UGGT1: variants seen among roughly 807,000 people sequenced by gnomAD.
UGGT1 encodes UDP-glucose:glycoprotein glucosyltransferase 1.
A neutral mutation model predicts 203.9 loss-of-function variants in UGGT1; 107 were observed. The observed-to-expected ratio is 0.52, with a 90% CI of 0.45 to 0.62. The LOEUF (loss-of-function observed/expected upper bound fraction) is 0.62. UGGT1 is among the 20% of genes least tolerant of loss of function. The pLI is 0.00. For missense variants in UGGT1, 1,673 were observed against 1,867.2 expected, an observed-to-expected ratio of 0.90 and a Z score of 1.92; for synonymous variants, 628 against 653.5, an observed-to-expected ratio of 0.96 and a Z score of 0.59.
At chr2:128,138,965 T>C (rs879139033) in intron 16 of UGGT1, 113 bp downstream of exon 16, 141 of 1,331,994 alleles carry the variant, frequency 1.1e-4, no homozygotes, top group Non-Finnish European at 1.4e-4. Context: ...CAGGGGTGGG[T>C]CCTGAATTTA....
rs375393496 is a variant in UGGT1 at position 128,182,085 on chromosome 2, G to C, written c.4084-45G>C. On this transcript the variant is annotated intron_variant, in intron 36 of 40. Coordinates refer to ENST00000259253, the MANE Select transcript of UGGT1 (RefSeq NM_020120.4). ...TGTATCTGAAGGAAACCGCATTAGAGCTGTCTGCATGGTTGCTTAACAAAT... is the reference window on the plus strand; with the variant it reads ...TGTATCTGAAGGAAACCGCATTAGACCTGTCTGCATGGTTGCTTAACAAAT... 4.4e-6 allele frequency: 7 copies of C among 1,594,162 alleles called. No homozygotes were observed. In the African/African-American group the frequency reaches 9.4e-5, roughly 21 times the overall value.
chr2:128,113,337 C>A, intron 6 of UGGT1, 79 bp downstream of exon 6: 1 of 1,157,444 alleles, frequency 8.6e-7, no homozygotes, highest in Non-Finnish European at 1.1e-6. Flanking sequence ...AATAATCTCC[C>A]TCTTTATAAA....
intron 5 of UGGT1, 34 bp downstream of exon 5, chr2:128,109,780 C>G: frequency 6.5e-7 from 1 of 1,538,118 alleles, no homozygotes; most frequent in East Asian, 2.2e-5. Context: ...TCATGTCATG[C>G]ATTTCCAGTG....
intron 18 of UGGT1, among the ~76,000 whole-genome samples, chr2:128,148,424 T>G (rs1689796127): frequency 6.6e-6 from 1 of 152,228 alleles, no homozygotes. Context: ...GTGTGGCTTC[T>G]GAAGTTTCAG....
chr2:128,139,478 A>G (rs1217732150), intron 16 of UGGT1, among the ~76,000 whole-genome samples: 2 of 152,108 alleles, frequency 1.3e-5, no homozygotes, highest in African/African-American at 4.8e-5. Context: ...AGGGGGCCAA[A>G]GAAGATAGAG....
In UGGT1 at chr2:128,120,261, G is replaced by A. The variant is rs1369391436; in HGVS notation, c.873-95G>A. On this transcript the variant is annotated intron_variant, in intron 8 of 40. Coordinates refer to ENST00000259253, the MANE Select transcript of UGGT1 (RefSeq NM_020120.4). ...GTCGTAGAAAATTTCCTAGGGTTGG[G>A]AGAGGAAAACCATGAAGATAAAGTT... The A allele has an allele frequency of 1.0e-5, 12 of 1,163,072 alleles. No individual in the cohort carries two copies. The East Asian group carries it at 2.4e-4, about 23-fold the overall frequency. The allele number at this position is 1,163,072 out of a possible 1,614,324, so 72.0% of individuals were successfully genotyped here. A position where few individuals can be genotyped will look rare whatever the true frequency, so the allele number is the denominator to read the frequency against.
intron 18 of UGGT1, among the ~76,000 whole-genome samples, chr2:128,146,184 G>A (rs1414335943): frequency 2.0e-5 from 3 of 152,042 alleles, no homozygotes; most frequent in African/African-American, 7.2e-5. Context: ...GGTGGTGCAC[G>A]CCTGTAGTCC....
chr2:128,189,625 G>A, intron 40 of UGGT1, 92 bp from the exon 41 acceptor site: 1 of 1,321,304 alleles, frequency 7.6e-7, no homozygotes, highest in Non-Finnish European at 1.1e-6. Flanking sequence ...GAGGTACAAA[G>A]AATAGGTTCC....
chr2:128,182,891 A>G (rs1390792084), intron 37 of UGGT1, among the ~76,000 whole-genome samples: 1 of 142,796 alleles, frequency 7.0e-6, no homozygotes, highest in East Asian at 2.0e-4. Context: ...CTACCTATTT[A>G]TACATTTTGT....
intron 21 of UGGT1, 101 bp downstream of exon 21, chr2:128,156,516 G>A (rs973852309): frequency 1.9e-5 from 17 of 887,038 alleles, no homozygotes; most frequent in African/African-American, 1.7e-5. Flanking sequence ...TACTGTTTCC[G>A]GAATCTGTGG....
chr2:128,121,100 A>C (rs1478876835), intron 9 of UGGT1, 99 bp from the exon 10 acceptor site: 1 of 1,135,654 alleles, frequency 8.8e-7, no homozygotes, highest in African/African-American at 1.5e-5. Flanking sequence ...AGATATTCTT[A>C]ATTACCATGA....
rs768720852 is a variant in UGGT1, at chr2:128,127,438, A to T, written c.1212A>T (p.Thr404=). 14 of 1,611,806 alleles carry T rather than the reference A, an allele frequency of 8.7e-6. No homozygotes were observed. The highest frequency in any genetic ancestry group is 1.2e-5 in the Non-Finnish European group (14 of 1,178,044). The change falls in exon 12 of 41, where the codon ACA becomes ACT. Residue 404 remains threonine (T), a synonymous_variant. Coordinates refer to ENST00000259253, the MANE Select transcript of UGGT1 (RefSeq NM_020120.4). ...ATGGACTTCACATGGATTTAGATAC[A>T]CAGGATATATTCAGGTATGGATAAT... The part of the protein sequence containing the change: ...FINGLHMDLD[T]QDIFSLFDVL...
chr2:128,160,491 T>C lies in UGGT1; in HGVS notation c.2594T>C (p.Phe865Ser). 1 of 1,611,474 alleles carries C rather than the reference T, an allele frequency of 6.2e-7. No individual in the cohort carries two copies. Among genetic ancestry groups the C allele is most frequent in the South Asian group, 1.1e-5 (1 of 90,582 alleles). The change falls in exon 24 of 41, where the codon TTT becomes TCT. Residue 865 changes from phenylalanine to serine, a missense_variant. Phe to Ser is a radical substitution (Grantham distance 155, BLOSUM62 -2). Transcript: ENST00000259253. ...GMDFSLFKEV[F>S]ESSKMDFILS... Reference sequence around the variant, plus strand: ...GATTTCAGTCTTTTTAAAGAGGTCTTTGAGTCTTCCAAAATGGATTTCATT... The same window carrying C: ...GATTTCAGTCTTTTTAAAGAGGTCTCTGAGTCTTCCAAAATGGATTTCATT...
At position 128,134,882 on chromosome 2, in the gene UGGT1, A is replaced by G. The variant is rs142001352; in HGVS notation, c.1504A>G (p.Ile502Val). Reference sequence around the variant, plus strand: ...TTTTCCCTTTCTTCAACAGGTTTTCATAGTTGATCCTGCACATGAGACCAC... The same window carrying G: ...TTTTCCCTTTCTTCAACAGGTTTTCGTAGTTGATCCTGCACATGAGACCAC... ...IRKNLHNMVFIVDPAHETTAE... is the reference protein window; with the variant it reads ...IRKNLHNMVFVVDPAHETTAE... The change falls in exon 15 of 41, where the codon ATA becomes GTA. Residue 502 changes from isoleucine (I) to valine (V), a missense_variant. Ile to Val is a conservative substitution (Grantham distance 29, BLOSUM62 3). Around this residue, in one of 4 missense-constraint regions of UGGT1, gnomAD observed 1,073 missense variants for 1,078.7 expected, o/e 0.99. Coordinates refer to ENST00000259253, the MANE Select transcript of UGGT1 (RefSeq NM_020120.4). 2 of 1,613,580 alleles carry G rather than the reference A, an allele frequency of 1.2e-6. No individual in the cohort carries two copies. The highest frequency in any genetic ancestry group is 2.7e-5 in the African/African-American group (2 of 74,940).
intron 16 of UGGT1, chr2:128,140,304 G>A (rs995918746): frequency 5.8e-5 from 9 of 154,510 alleles, no homozygotes; most frequent in Non-Finnish European, 1.2e-4. Flanking sequence ...CTTTGTCCCC[G>A]ACGATCAGCA....
chr2:128,112,462 A>ATATATATATATATATATATATG lies in UGGT1; in HGVS notation c.522-611_522-610insATATATATATGTATATATATAT, dbSNP rs1458231232. Among the ~76,000 whole-genome samples, 865 of 120,314 alleles carry ATATATATATATATATATATATG rather than the reference A, an allele frequency of 7.2e-3. 118 individuals carry two copies. The highest frequency in any genetic ancestry group is 0.012 in the Non-Finnish European group (678 of 55,778). 78.9% of individuals were successfully genotyped at this position (120,314 alleles called of 152,430 possible). A position where few individuals can be genotyped will look rare whatever the true frequency, so the allele number is the denominator to read the frequency against. ...CCCCAAAAAATACTATGTTATATAT[A>ATATATATATATATATATATATG]TATATATATATTACATACATACATA... On this transcript the variant is annotated intron_variant, in intron 5 of 40. Transcript: ENST00000259253.
At chr2:128,103,203 T>G (rs999081578) in intron 2 of UGGT1, 6 of 447,036 alleles carry the variant, frequency 1.3e-5, no homozygotes, top group South Asian at 8.3e-5. Context: ...CACCACTGCA[T>G]TAGTATTATG....
Position 128,176,860 on chromosome 2 carries a change from G to GTC in UGGT1, c.3587_3588dup (p.Leu1197SerfsTer12). On this transcript the variant is annotated frameshift_variant, in exon 32 of 41. Transcript: ENST00000259253. LOFTEE classifies it high-confidence loss of function. The stretch of plus-strand genomic sequence containing the variant: ...CCCTGATGCTGATGAGGTGGTTATC[G>GTC]TCCTCAACAACTTCAAAAGCAAAAT... 1 of 1,614,118 alleles carries GTC rather than the reference G, an allele frequency of 6.2e-7. No homozygotes were observed. Among genetic ancestry groups the GTC allele is most frequent in the Non-Finnish European group, 8.5e-7 (1 of 1,180,026 alleles).
At chr2:128,169,704 T>C (rs888475159) in intron 26 of UGGT1, among the ~76,000 whole-genome samples, 7 of 152,230 alleles carry the variant, frequency 4.6e-5, no homozygotes, top group Non-Finnish European at 7.3e-5. Flanking sequence ...TTATTTCTTA[T>C]AGAGGATGCT....
Sources: gnomAD v4.1 joint callset for allele counts (sites outside exome capture counted in the v4.1 genomes callset) on GRCh38, gnomAD v4.1.1 for gene constraint, gnomAD v4.1.1 regional missense constraint, MANE v1.5 for transcripts, NCBI Gene and HGNC (gene_info 2026-07-23, HGNC 2026-07-21) for gene names.